The following FREM1 variants were observed in gnomAD, a reference collection of about 807,000 sequenced individuals.
The protein encoded by FREM1 is FRAS1-related extracellular matrix protein 1.
Under a neutral mutation model 210.1 loss-of-function variants are expected in FREM1, and 220 were observed. The observed-to-expected ratio is 1.05, with a 90% CI of 0.94 to 1.17. The LOEUF is 1.17. Ranked by LOEUF, FREM1 falls within the 50% of genes most tolerant of loss-of-function variation. The pLI, the probability that FREM1 is intolerant of heterozygous loss-of-function variation, is 0.00. For missense variants in FREM1, 3,454 were observed against 2,675.5 expected, an observed-to-expected ratio of 1.29 and a Z score of -6.42; for synonymous variants, 1,189 against 980.2, an observed-to-expected ratio of 1.21 and a Z score of -3.98.
rs199934343 is a variant in FREM1, at chr9:14,861,020, CACATATATACATATATACATATAT to C, written c.330-1560_330-1537del. Among the ~76,000 whole-genome samples, 171 of 101,496 alleles carry C rather than the reference CACATATATACATATATACATATAT, an allele frequency of 1.7e-3. 17 individuals carry two copies. The highest frequency in any genetic ancestry group is 0.011 in the East Asian group (39 of 3,508). 66.6% of individuals were successfully genotyped at this position (101,496 alleles called of 152,430 possible). A position where few individuals can be genotyped will look rare whatever the true frequency, so the allele number is the denominator to read the frequency against. On this transcript the variant is annotated intron_variant, in intron 3 of 36. Coordinates refer to ENST00000380880, the MANE Select transcript of FREM1 (RefSeq NM_001379081.2). ...ATATATACACATATATACATATATA[CACATATATACATATATACATATAT>C]ACATATATACATATATACACATATA...
At chr9:14,797,950 T>G (rs967374925) in intron 20 of FREM1, among the ~76,000 whole-genome samples, 1 of 152,178 alleles carries the variant, frequency 6.6e-6, no homozygotes, top group African/African-American at 2.4e-5. Context: ...GAAAGTTAAT[T>G]ATTTGGGGAA....
chr9:14,783,143 G>A (rs1360931878), intron 24 of FREM1, among the ~76,000 whole-genome samples: 1 of 151,974 alleles, frequency 6.6e-6, no homozygotes, highest in East Asian at 1.9e-4. Flanking sequence ...CAGCTTTCTG[G>A]GATTTTTTGT....
At chr9:14,832,722 A>C (rs1269085357) in intron 10 of FREM1, among the ~76,000 whole-genome samples, 2 of 152,122 alleles carry the variant, frequency 1.3e-5, no homozygotes, top group Non-Finnish European at 2.9e-5. Flanking sequence ...AAGGGTAAAA[A>C]TTTCTCACCA....
At chr9:14,847,045 C>G (rs921409503) in intron 7 of FREM1, among the ~76,000 whole-genome samples, 1 of 152,110 alleles carries the variant, frequency 6.6e-6, no homozygotes, top group Non-Finnish European at 1.5e-5. Flanking sequence ...TAAGAGGGGC[C>G]AGATAACACA....
At chr9:14,783,471 C>G (rs1587947064) in intron 24 of FREM1, among the ~76,000 whole-genome samples, 1 of 152,218 alleles carries the variant, frequency 6.6e-6, no homozygotes. Flanking sequence ...ATAGACAAAC[C>G]AGTGCTCTCC....
chr9:14,844,736 G>A (rs539623031), intron 8 of FREM1, among the ~76,000 whole-genome samples: 1 of 152,280 alleles, frequency 6.6e-6, no homozygotes, highest in South Asian at 2.1e-4. Flanking sequence ...TTGCACTGAG[G>A]AGTTGTATGT....
intron 19 of FREM1, 49 bp from the exon 20 acceptor site, chr9:14,801,923 GTCTT>G (rs777273360): frequency 7.3e-7 from 1 of 1,365,756 alleles, no homozygotes; most frequent in South Asian, 1.3e-5. Flanking sequence ...AAGACAACTT[GTCTT>G]TCTTTGGAAA....
intron 22 of FREM1, 42 bp from the exon 23 acceptor site, chr9:14,789,156 T>C (rs77047454): frequency 7.1e-7 from 1 of 1,414,488 alleles, no homozygotes. Context: ...TGGTTTTTTC[T>C]TTTCCCCCAA....
At chr9:14,798,335 T>G (rs564833347) in intron 20 of FREM1, among the ~76,000 whole-genome samples, 1 of 152,334 alleles carries the variant, frequency 6.6e-6, no homozygotes, top group Non-Finnish European at 1.5e-5. Context: ...CAGGAGCCAG[T>G]ACAGTGGTGA....
intron 28 of FREM1, among the ~76,000 whole-genome samples, chr9:14,757,570 A>T (rs1223472398): frequency 6.6e-6 from 1 of 152,184 alleles, no homozygotes; most frequent in African/African-American, 2.4e-5. Context: ...ACAAAAAAAA[A>T]GTGTCTTTGG....
chr9:14,866,643 C>T (rs969925789), intron 2 of FREM1, among the ~76,000 whole-genome samples: 2 of 152,144 alleles, frequency 1.3e-5, no homozygotes, highest in African/African-American at 4.8e-5. Flanking sequence ...TTTCCTTCTT[C>T]TCTTTTTCAC....
In FREM1 at chr9:14,875,967, A is replaced by AG. The variant is rs1833637547; in HGVS notation, c.-267-6724_-267-6723insC. 2.0e-5 allele frequency among the ~76,000 whole-genome samples: 3 copies of AG among 151,768 alleles called. No homozygotes were observed. In the South Asian group the frequency reaches 6.3e-4, roughly 32 times the overall value. ...CTAGACCCTGTTTGCCTGGGTATCCACAGCAGTGGCTGCAGAACAGCGGAT... is the reference window on the plus strand; with the variant it reads ...CTAGACCCTGTTTGCCTGGGTATCCAGCAGCAGTGGCTGCAGAACAGCGGAT... On this transcript the variant is annotated intron_variant, in intron 1 of 36. Transcript: ENST00000380880.
chr9:14,889,338 A>G (rs11788367), intron 1 of FREM1, among the ~76,000 whole-genome samples: 22,859 of 152,256 alleles, frequency 0.15, 2,168 homozygotes, highest in Middle Eastern at 0.24. Flanking sequence ...CTCCCAAGTG[A>G]AATGTATCTG....
At chr9:14,748,312 T>G (rs1842806098) in intron 31 of FREM1, 89 bp downstream of exon 31, 7 of 762,690 alleles carry the variant, frequency 9.2e-6, no homozygotes, top group South Asian at 5.7e-5. Flanking sequence ...CAAAACAGCT[T>G]CTTCAGTGTT....
chr9:14,857,891 G>GGAA, intron 4 of FREM1, 142 bp from the exon 5 acceptor site: 3 of 529,548 alleles, frequency 5.7e-6, no homozygotes, highest in Non-Finnish European at 6.3e-6. Context: ...TTCACTGAGT[G>GGAA]GGTTGTCATT....
chr9:14,834,476 C>A (rs568031510), intron 10 of FREM1, among the ~76,000 whole-genome samples: 4 of 152,264 alleles, frequency 2.6e-5, no homozygotes, highest in Admixed American at 2.6e-4. Flanking sequence ...ATGGAATAAT[C>A]TATAAGGTTT....
chr9:14,819,079 T>C (rs1401251468), intron 14 of FREM1, among the ~76,000 whole-genome samples, 155 bp downstream of exon 14: 1 of 152,140 alleles, frequency 6.6e-6, no homozygotes, highest in Non-Finnish European at 1.5e-5. Context: ...GAAAAATTGA[T>C]CATTTGTAAT....
chr9:14,865,744 C>T (rs1173520709), intron 2 of FREM1, among the ~76,000 whole-genome samples: 2 of 150,918 alleles, frequency 1.3e-5, no homozygotes, highest in Non-Finnish European at 2.9e-5. Context: ...CCATAAGGAA[C>T]GAACCCCTAG....
chr9:14,899,790 C>G (rs1838450425), intron 1 of FREM1, among the ~76,000 whole-genome samples: 1 of 152,184 alleles, frequency 6.6e-6, no homozygotes, highest in Non-Finnish European at 1.5e-5. Flanking sequence ...AAATACAGTT[C>G]AAACTGTGAT....
Sources: gnomAD v4.1 joint callset for allele counts (sites outside exome capture counted in the v4.1 genomes callset) on GRCh38, gnomAD v4.1.1 for gene constraint, MANE v1.5 for transcripts, NCBI Gene and HGNC (gene_info 2026-07-23, HGNC 2026-07-21) for gene names.